The following AUH variants were observed in gnomAD, a reference collection of about 807,000 sequenced individuals.
AUH encodes methylglutaconyl-CoA hydratase, mitochondrial.
In AUH, 29 loss-of-function variants were observed where a neutral mutation model predicts 42.3. The observed-to-expected ratio is 0.69, with a 90% CI of 0.51 to 0.93. The LOEUF is 0.93. Ranked by LOEUF, AUH falls within the 40% of genes least tolerant of loss-of-function variation. The pLI is 0.00. For synonymous variants in AUH, 174 were observed against 166.4 expected, an observed-to-expected ratio of 1.05 and a Z score of -0.35; for missense variants, 452 against 438.1, an observed-to-expected ratio of 1.03 and a Z score of -0.28.
chr9:91,285,457 TA>T (rs79468096), intron 6 of AUH, among the ~76,000 whole-genome samples: 71 of 145,598 alleles, frequency 4.9e-4, no homozygotes, highest in Non-Finnish European at 4.9e-4. Flanking sequence ...CTTAAAGTAT[TA>T]AAAAAAAAAA....
chr9:91,241,930 ATAGT>A (rs953264358), intron 6 of AUH, among the ~76,000 whole-genome samples: 6 of 152,256 alleles, frequency 3.9e-5, no homozygotes, highest in African/African-American at 1.2e-4. Flanking sequence ...GATTTAAATA[ATAGT>A]TATTTATTGT....
At chr9:91,265,395 T>A (rs76218486) in intron 6 of AUH, among the ~76,000 whole-genome samples, 17,335 of 152,058 alleles carry the variant, frequency 0.11, 1,112 homozygotes, top group African/African-American at 0.17. Context: ...TAATAGCTCT[T>A]TTTTGTAATA....
intron 3 of AUH, among the ~76,000 whole-genome samples, chr9:91,338,463 G>C (rs1031862099): frequency 6.6e-6 from 1 of 152,172 alleles, no homozygotes; most frequent in Non-Finnish European, 1.5e-5. Context: ...GAGTCTCGCT[G>C]TTGTTGGCCT....
chr9:91,335,903 C>T (rs1830652760), intron 3 of AUH, among the ~76,000 whole-genome samples: 1 of 152,104 alleles, frequency 6.6e-6, no homozygotes, highest in Admixed American at 6.5e-5. Flanking sequence ...GGTTTTATGG[C>T]CTAGCAGATG....
chr9:91,269,550 T>C (rs1467891880), intron 6 of AUH, among the ~76,000 whole-genome samples: 1 of 152,260 alleles, frequency 6.6e-6, no homozygotes. Context: ...CTAATTTCAA[T>C]AGAAACCAAG....
chr9:91,361,366 C>A (rs1832837684), intron 1 of AUH, among the ~76,000 whole-genome samples: 3 of 152,210 alleles, frequency 2.0e-5, no homozygotes, highest in African/African-American at 2.4e-5. Flanking sequence ...GTAAGCTGCA[C>A]TTCTGTTTGC....
At chr9:91,310,604 T>A (rs1828627643) in intron 4 of AUH, among the ~76,000 whole-genome samples, 1 of 152,218 alleles carries the variant, frequency 6.6e-6, no homozygotes, top group African/African-American at 2.4e-5. Flanking sequence ...GTTCATCACA[T>A]TTTAACAATG....
chr9:91,224,578 T>C (rs1168068638), intron 6 of AUH, among the ~76,000 whole-genome samples: 1 of 152,240 alleles, frequency 6.6e-6, no homozygotes, highest in African/African-American at 2.4e-5. Context: ...AGTTGTATAC[T>C]TTTAGTTCTT....
At chr9:91,264,720 T>C (rs1179689037) in intron 6 of AUH, among the ~76,000 whole-genome samples, 1 of 152,198 alleles carries the variant, frequency 6.6e-6, no homozygotes, top group Non-Finnish European at 1.5e-5. Flanking sequence ...AGTTTGAGAC[T>C]GAGAACAGCT....
chr9:91,266,749 T>G (rs1365080914), intron 6 of AUH, among the ~76,000 whole-genome samples: 1 of 152,126 alleles, frequency 6.6e-6, no homozygotes, highest in Non-Finnish European at 1.5e-5. Flanking sequence ...TAATAAAAAT[T>G]CAAGAGTTGG....
At chr9:91,333,970 G>A (rs1830514641) in intron 3 of AUH, among the ~76,000 whole-genome samples, 1 of 152,176 alleles carries the variant, frequency 6.6e-6, no homozygotes, top group Admixed American at 6.5e-5. Flanking sequence ...AAGAGAAAGA[G>A]AACTGGAACC....
chr9:91,269,302 T>A (rs1193331406), intron 6 of AUH, among the ~76,000 whole-genome samples: 1 of 152,222 alleles, frequency 6.6e-6, no homozygotes. Context: ...TTTCTAAGCA[T>A]CTAAGAAACC....
chr9:91,227,663 C>T (rs1464703771), intron 6 of AUH, among the ~76,000 whole-genome samples: 1 of 143,830 alleles, frequency 7.0e-6, no homozygotes, highest in African/African-American at 2.6e-5. Context: ...AGTTTTTGCC[C>T]ATTCAGTATG....
chr9:91,341,590 G>C (rs1434140452), intron 3 of AUH, among the ~76,000 whole-genome samples: 1 of 152,188 alleles, frequency 6.6e-6, no homozygotes, highest in African/African-American at 2.4e-5. Flanking sequence ...ATCAAAGCTT[G>C]TTTTATTTAA....
At chr9:91,233,307 C>G (rs1019385550) in intron 6 of AUH, among the ~76,000 whole-genome samples, 1 of 152,056 alleles carries the variant, frequency 6.6e-6, no homozygotes, top group African/African-American at 2.4e-5. Context: ...AGGAGGAACA[C>G]GAAGGGCACA....
chr9:91,330,835 A>G (rs1830273327), intron 3 of AUH, among the ~76,000 whole-genome samples: 1 of 152,232 alleles, frequency 6.6e-6, no homozygotes, highest in African/African-American at 2.4e-5. Context: ...AAAGTTTGAA[A>G]ATAGGCAATA....
chr9:91,351,290 G>C (rs941460705), intron 3 of AUH, among the ~76,000 whole-genome samples: 27 of 152,110 alleles, frequency 1.8e-4, no homozygotes, highest in Non-Finnish European at 1.8e-4. Context: ...CACAGACATA[G>C]TTTACACAGC....
chr9:91,220,270 C>T (rs1197241171), intron 7 of AUH, among the ~76,000 whole-genome samples: 1 of 152,194 alleles, frequency 6.6e-6, no homozygotes, highest in East Asian at 1.9e-4. Flanking sequence ...CAAAACAACG[C>T]CTACACCACC....
chr9:91,361,160 GA>G (rs896427804), intron 1 of AUH, among the ~76,000 whole-genome samples: 1 of 152,166 alleles, frequency 6.6e-6, no homozygotes, highest in Non-Finnish European at 1.5e-5. Context: ...TGAACAAGAG[GA>G]AAAATTGTTC....
Sources: allele counts gnomAD v4.1 joint callset (sites outside exome capture counted in the v4.1 genomes callset), GRCh38; gene constraint gnomAD v4.1.1; transcripts MANE v1.5; gene names NCBI Gene and HGNC (gene_info 2026-07-23, HGNC 2026-07-21).